LSM2: variants seen among roughly 807,000 people sequenced by gnomAD.
The protein encoded by LSM2 is U6 snRNA-associated Sm-like protein LSm2.
In LSM2, 12 loss-of-function variants were observed where a neutral mutation model predicts 17.0. The observed-to-expected ratio is 0.70, with a 90% confidence interval of 0.45 to 1.14. The LOEUF (loss-of-function observed/expected upper bound fraction) is 1.14. Ranked by LOEUF, LSM2 falls within the 50% of genes most tolerant of loss-of-function variation. LSM2 has a pLI of 0.00. For synonymous variants in LSM2, 42 were observed against 44.5 expected (o/e 0.94, Z 0.22); for missense variants, 62 against 111.8 (o/e 0.55, Z 2.01).
chr6:31,804,103 C>A (rs1414947120), intron 2 of LSM2, among the ~76,000 whole-genome samples: 1 of 152,096 alleles, frequency 6.6e-6, no homozygotes, highest in Non-Finnish European at 1.5e-5. Context: ...TGGCTCACGC[C>A]TGTAATCCCA....
chr6:31,797,691 T>C lies in LSM2; in HGVS notation c.*66A>G. 3 of 1,608,010 alleles carry C rather than the reference T, an allele frequency of 1.9e-6. No individual in the cohort carries two copies. The Admixed American group carries it at 5.0e-5, about 27-fold the overall frequency. ...CCCTTCAAGTATTGGGGGTTAGGGG[T>C]TCTGGGCTGGGACTTGGGGTTATGG... On this transcript the variant is annotated 3_prime_UTR_variant, in exon 5 of 5. Coordinates refer to ENST00000375661, the MANE Select transcript of LSM2 (RefSeq NM_021177.5).
At chr6:31,801,372 T>C (rs1039513562) in intron 2 of LSM2, among the ~76,000 whole-genome samples, 1 of 152,136 alleles carries the variant, frequency 6.6e-6, no homozygotes, top group Non-Finnish European at 1.5e-5. Context: ...TGAAAAACAT[T>C]TGACAGCACC....
In LSM2 at chr6:31,797,980, C is replaced by T. The variant is rs1814479036; in HGVS notation, c.162+10G>A. 1.9e-6 allele frequency: 3 copies of T among 1,608,204 alleles called. No homozygotes were observed. Among genetic ancestry groups the T allele is most frequent in the Admixed American group, 1.7e-5 (1 of 59,176 alleles). On this transcript the variant is annotated intron_variant, in intron 4 of 4. Coordinates refer to ENST00000375661, the MANE Select transcript of LSM2 (RefSeq NM_021177.5). ...GAGGTGTTTCCTCTTCTCCACAGAC[C>T]CCAACTCACCATGTGAGGGTATTTC...
intron 2 of LSM2, among the ~76,000 whole-genome samples, chr6:31,805,238 T>C (rs951789398): frequency 2.0e-5 from 3 of 151,430 alleles, no homozygotes; most frequent in African/African-American, 7.3e-5. Flanking sequence ...TAATTTTTTA[T>C]AGAAATAGAG....
intron 3 of LSM2, 68 bp downstream of exon 3, chr6:31,798,409 G>A (rs1814512435): frequency 3.8e-6 from 6 of 1,584,698 alleles, no homozygotes; most frequent in Non-Finnish European, 5.2e-6. Context: ...CATGATGTAA[G>A]AACCCAACCC....
At chr6:31,804,570 A>T (rs889884284) in intron 2 of LSM2, among the ~76,000 whole-genome samples, 2 of 151,978 alleles carry the variant, frequency 1.3e-5, no homozygotes, top group African/African-American at 4.8e-5. Context: ...GTCTTCGGAT[A>T]TTATTTTTCT....
In LSM2 at chr6:31,806,954, G is replaced by A. The variant is rs1301145056; in HGVS notation, c.-197C>T. ...GCGGCTGGGGAGCGCAAGCTGGGTA[G>A]AGTAGAGGGGAGGAGGAAGCCGGGA... On this transcript the variant is annotated 5_prime_UTR_variant, in exon 1 of 5. Coordinates refer to ENST00000375661, the MANE Select transcript of LSM2 (RefSeq NM_021177.5). 3 of 618,700 alleles carry A rather than the reference G, an allele frequency of 4.8e-6. No individual in the cohort carries two copies. Among genetic ancestry groups the A allele is most frequent in the Admixed American group, 3.5e-5 (1 of 28,746 alleles). The allele number at this position is 618,700 out of a possible 1,614,324, so 38.3% of individuals were successfully genotyped here. A position where few individuals can be genotyped will look rare whatever the true frequency, so the allele number is the denominator to read the frequency against.
intron 2 of LSM2, among the ~76,000 whole-genome samples, chr6:31,804,775 T>C (rs1274878619): frequency 3.4e-5 from 5 of 145,200 alleles, no homozygotes; most frequent in African/African-American, 1.3e-4. Flanking sequence ...TTTTTTTTTT[T>C]TTTTTTTTTG....
At chr6:31,805,643 A>G (rs971925550) in intron 2 of LSM2, among the ~76,000 whole-genome samples, 7 of 150,488 alleles carry the variant, frequency 4.7e-5, no homozygotes, top group Admixed American at 1.3e-4. Flanking sequence ...GATTACAGGC[A>G]TGAGCCACAC....
chr6:31,806,179 G>T, intron 1 of LSM2, 37 bp from the exon 2 acceptor site: 2 of 1,594,662 alleles, frequency 1.3e-6, no homozygotes, highest in African/African-American at 1.3e-5. Flanking sequence ...CATGTGGGAA[G>T]GAGCATGGTA....
At chr6:31,804,800 T>C (rs1295681969) in intron 2 of LSM2, among the ~76,000 whole-genome samples, 1 of 135,946 alleles carries the variant, frequency 7.4e-6, no homozygotes, top group Admixed American at 8.1e-5. Context: ...GGAGTCTTGC[T>C]CTGTCACCCA....
intron 2 of LSM2, among the ~76,000 whole-genome samples, chr6:31,801,146 C>T (rs933690652): frequency 3.3e-5 from 4 of 121,868 alleles, no homozygotes; most frequent in Non-Finnish European, 6.4e-5. Flanking sequence ...ATTCCAGCCT[C>T]GGTGACAGAG....
At chr6:31,805,573 C>T (rs1367717628) in intron 2 of LSM2, among the ~76,000 whole-genome samples, 1 of 151,890 alleles carries the variant, frequency 6.6e-6, no homozygotes, top group Non-Finnish European at 1.5e-5. Flanking sequence ...CCATCTTGAC[C>T]GGGCTGGTCT....
chr6:31,802,217 T>C, intron 2 of LSM2, among the ~76,000 whole-genome samples: 1 of 151,288 alleles, frequency 6.6e-6, no homozygotes, highest in Non-Finnish European at 1.5e-5. Flanking sequence ...GCAGCAGAGG[T>C]TGCAGTGACC....
intron 4 of LSM2, 44 bp downstream of exon 4, chr6:31,797,946 C>G (rs1456341477): frequency 6.2e-7 from 1 of 1,611,864 alleles, no homozygotes; most frequent in African/African-American, 1.3e-5. Flanking sequence ...CCAGGGGCCT[C>G]CTGCTTTAGA....
At chr6:31,798,238 C>T (rs961029491) in intron 3 of LSM2, among the ~76,000 whole-genome samples, 189 bp from the exon 4 acceptor site, 1 of 152,034 alleles carries the variant, frequency 6.6e-6, no homozygotes, top group East Asian at 1.9e-4. Context: ...CCCACCACCA[C>T]GCCCAGCTAA....
intron 1 of LSM2, 111 bp from the exon 2 acceptor site, chr6:31,806,253 C>T (rs1053155312): frequency 9.0e-6 from 9 of 1,004,392 alleles, no homozygotes; most frequent in African/African-American, 1.6e-5. Context: ...GCATCCCTGA[C>T]AGTTCTCAAA....
At position 31,800,340 on chromosome 6, in the gene LSM2, AAAAT is replaced by A. The variant is rs574659541; in HGVS notation, c.72-1837_72-1834del. ...GACAGAGTGAGACTCCATCTCAAGA[AAAAT>A]AAATAAATAAAAATAATCGTAATAA... On this transcript the variant is annotated intron_variant, in intron 2 of 4. Transcript: ENST00000375661. Among the ~76,000 whole-genome samples the A allele has an allele frequency of 2.1e-3, 322 of 152,280 alleles. 2 individuals carry two copies. The highest frequency in any genetic ancestry group is 9.8e-3 in the East Asian group (51 of 5,184).
chr6:31,797,621 C>T lies in LSM2; in HGVS notation c.*136G>A. 7.8e-7 allele frequency: 1 copy of T among 1,284,498 alleles called. No homozygotes were observed. Among genetic ancestry groups the T allele is most frequent in the Non-Finnish European group, 1.1e-6 (1 of 920,104 alleles). 79.6% of individuals were successfully genotyped at this position (1,284,498 alleles called of 1,614,324 possible). ...CTATTACTCCTCTCATCCACTCATC[C>T]CTTAAAAAAAACCCACAAAACCATC... On this transcript the variant is annotated 3_prime_UTR_variant, in exon 5 of 5. Transcript: ENST00000375661.
Sources: allele counts gnomAD v4.1 joint callset (sites outside exome capture counted in the v4.1 genomes callset), GRCh38; gene constraint gnomAD v4.1.1; transcripts MANE v1.5; gene names NCBI Gene and HGNC (gene_info 2026-07-23, HGNC 2026-07-21).